Variants in RHBDD1 observed in about 807,000 individuals in gnomAD.
RHBDD1 encodes rhomboid domain containing 1.
Under a neutral mutation model 36.3 loss-of-function variants are expected in RHBDD1, and 38 were observed. The observed-to-expected ratio is 1.05, with a 90% CI of 0.81 to 1.37. RHBDD1 has a LOEUF of 1.37. Among genes scored for constraint, RHBDD1 ranks in the 40% most tolerant of loss-of-function variants. The pLI, the probability that RHBDD1 is intolerant of heterozygous loss-of-function variation, is 0.00. For synonymous variants in RHBDD1, 151 were observed against 136.5 expected, an observed-to-expected ratio of 1.11 and a Z score of -0.74; for missense variants, 393 against 377.6, an observed-to-expected ratio of 1.04 and a Z score of -0.34.
At chr2:226,909,698 A>G (rs2125671335) in intron 7 of RHBDD1, among the ~76,000 whole-genome samples, 1 of 152,262 alleles carries the variant, frequency 6.6e-6, no homozygotes, top group Middle Eastern at 3.4e-3. Flanking sequence ...ACATGAGGAT[A>G]CAAGAAGTCA....
chr2:226,890,196 G>C (rs1048573110), intron 5 of RHBDD1, among the ~76,000 whole-genome samples: 26 of 152,166 alleles, frequency 1.7e-4, no homozygotes, highest in Non-Finnish European at 3.2e-4. Context: ...ATTTTAGAGA[G>C]CCCTTTAAAA....
At position 226,988,507 on chromosome 2, in the gene RHBDD1, G is replaced by A. The variant is rs531820991; in HGVS notation, c.857-6924G>A. On this transcript the variant is annotated intron_variant, in intron 8 of 8. Coordinates refer to ENST00000392062, the MANE Select transcript of RHBDD1 (RefSeq NM_001167608.3). ...AGTTGAGCAAAGACTCAGGCCTTGC[G>A]AGGTGGATAGCAGCTGCCCGCACTG... 1.4e-4 allele frequency: 214 copies of A among 1,524,138 alleles called. 1 individual carries two copies. The South Asian group carries it at 2.2e-3, about 15-fold the overall frequency. The allele number at this position is 1,524,138 out of a possible 1,614,324, so 94.4% of individuals were successfully genotyped here.
chr2:226,806,175 A>T, the RHBDD1 span, among the ~76,000 whole-genome samples: 3 of 152,122 alleles, frequency 2.0e-5, no homozygotes, highest in Non-Finnish European at 4.4e-5. Context: ...GATTAAGGAC[A>T]TTAGTTTTCT....
At chr2:226,989,651 C>A (rs1957742606) in intron 8 of RHBDD1, among the ~76,000 whole-genome samples, 1 of 152,152 alleles carries the variant, frequency 6.6e-6, no homozygotes, top group Non-Finnish European at 1.5e-5. Flanking sequence ...CTGACCATAT[C>A]TTGTCTATAT....
chr2:226,968,641 ATGTT>A lies in RHBDD1; in HGVS notation c.857-26787_857-26784del, dbSNP rs767168525. Among the ~76,000 whole-genome samples, 8 of 152,326 alleles carry A rather than the reference ATGTT, an allele frequency of 5.3e-5. No individual in the cohort carries two copies. The South Asian group carries it at 6.2e-4, about 12-fold the overall frequency. ...AAAGAGCATCGCACTTGGAGATTGA[ATGTT>A]TGCGCACTCTCTCCGAAACATGTGC... On this transcript the variant is annotated intron_variant, in intron 8 of 8. Transcript: ENST00000392062.
chr2:226,923,597 A>G (rs1187256567), intron 8 of RHBDD1, among the ~76,000 whole-genome samples: 1 of 152,054 alleles, frequency 6.6e-6, no homozygotes, highest in Admixed American at 6.6e-5. Context: ...ATCCTTTTGA[A>G]TAAACTTTCT....
chr2:226,970,399 C>T (rs1953228404), intron 8 of RHBDD1, among the ~76,000 whole-genome samples: 1 of 151,756 alleles, frequency 6.6e-6, no homozygotes, highest in Admixed American at 6.6e-5. Flanking sequence ...AGCTTTTTTC[C>T]CCCCTTTTTA....
chr2:226,818,359 G>T, the RHBDD1 span, among the ~76,000 whole-genome samples: 1 of 149,770 alleles, frequency 6.7e-6, no homozygotes, highest in Non-Finnish European at 1.5e-5. Flanking sequence ...GTAGAGATGG[G>T]GTTTCACTGT....
At chr2:226,831,954 C>T (rs1940750766), upstream of RHBDD1, among the ~76,000 whole-genome samples, 1 of 132,228 alleles carries the variant, frequency 7.6e-6, no homozygotes. Flanking sequence ...ATTAATTTTA[C>T]TGGTTTTTTT....
intron 3 of RHBDD1, among the ~76,000 whole-genome samples, chr2:226,850,438 AT>A (rs555155999): frequency 6.6e-6 from 1 of 151,628 alleles, no homozygotes; most frequent in African/African-American, 2.4e-5. Flanking sequence ...GTTTCATTTT[AT>A]TTTTTTTTAT....
chr2:226,857,322 C>A (rs1352033514), intron 3 of RHBDD1, among the ~76,000 whole-genome samples: 1 of 151,872 alleles, frequency 6.6e-6, no homozygotes, highest in Non-Finnish European at 1.5e-5. Flanking sequence ...AACTGGAACC[C>A]CTGTACAGTG....
the RHBDD1 span, among the ~76,000 whole-genome samples, chr2:226,822,029 A>G: frequency 1.3e-5 from 2 of 152,228 alleles, no homozygotes; most frequent in South Asian, 4.1e-4. Flanking sequence ...AGCTAGTGGT[A>G]GAGCTGAAAA....
chr2:226,909,860 CTGTTTA>C (rs1948394442), intron 7 of RHBDD1, among the ~76,000 whole-genome samples: 1 of 152,174 alleles, frequency 6.6e-6, no homozygotes, highest in Non-Finnish European at 1.5e-5. Flanking sequence ...AGATGTGTTT[CTGTTTA>C]TATTAATTGA....
chr2:226,931,461 A>G (rs1950027711), intron 8 of RHBDD1, among the ~76,000 whole-genome samples: 1 of 152,000 alleles, frequency 6.6e-6, no homozygotes, highest in Non-Finnish European at 1.5e-5. Flanking sequence ...AGACATACAG[A>G]GTGGTTTAAC....
intron 5 of RHBDD1, among the ~76,000 whole-genome samples, chr2:226,898,624 G>A (rs1947324931): frequency 6.6e-6 from 1 of 152,170 alleles, no homozygotes; most frequent in African/African-American, 2.4e-5. Context: ...GAGGCATCAA[G>A]GACAGAAAAC....
At chr2:226,849,787 C>A (rs544062486) in intron 3 of RHBDD1, among the ~76,000 whole-genome samples, 1 of 152,320 alleles carries the variant, frequency 6.6e-6, no homozygotes, top group African/African-American at 2.4e-5. Context: ...ATATCTATAT[C>A]TATATCTATT....
the RHBDD1 span, among the ~76,000 whole-genome samples, chr2:226,829,295 A>G: frequency 3.9e-4 from 60 of 152,304 alleles, no homozygotes; most frequent in African/African-American, 1.3e-3. Context: ...TTTTGAAATT[A>G]AGTAGTATAA....
intron 8 of RHBDD1, among the ~76,000 whole-genome samples, chr2:226,972,664 A>G (rs1953769220): frequency 6.6e-6 from 1 of 152,186 alleles, no homozygotes; most frequent in Admixed American, 6.5e-5. Flanking sequence ...TGAGTCAGTC[A>G]TTCAGCAAAT....
At chr2:226,908,681 A>C in intron 6 of RHBDD1, 141 bp from the exon 7 acceptor site, 1 of 676,320 alleles carries the variant, frequency 1.5e-6, no homozygotes, top group Admixed American at 2.4e-5. Flanking sequence ...CCCCCAAACA[A>C]AAGGGAGTTT....
Sources: allele counts gnomAD v4.1 joint callset (sites outside exome capture counted in the v4.1 genomes callset), GRCh38; gene constraint gnomAD v4.1.1; transcripts MANE v1.5; gene names NCBI Gene and HGNC (gene_info 2026-07-23, HGNC 2026-07-21).